The following TSHZ3 variants were observed in gnomAD, a reference collection of about 807,000 sequenced individuals.
TSHZ3 encodes teashirt homolog 3.
TSHZ3 carries 10 observed loss-of-function variants against 64.5 expected under a neutral mutation model. The ratio of observed to expected loss-of-function variants is 0.16; its 90% confidence interval spans 0.10 to 0.26. The LOEUF (loss-of-function observed/expected upper bound fraction) is 0.26. Among genes scored for constraint, TSHZ3 ranks in the 10% least tolerant of loss-of-function variants. The pLI is 1.00. For synonymous variants in TSHZ3, 608 were observed against 593.1 expected (o/e 1.03, Z -0.36); for missense variants, 1,242 against 1,421.7 (o/e 0.87, Z 2.03).
chr19:31,286,905 G>C (rs1307971936), intron 1 of TSHZ3, among the ~76,000 whole-genome samples: 1 of 152,166 alleles, frequency 6.6e-6, no homozygotes, highest in Non-Finnish European at 1.5e-5. Flanking sequence ...GCCATCAAGG[G>C]TCTGGAGACA....
At chr19:31,313,478 C>T (rs886497763) in intron 1 of TSHZ3, among the ~76,000 whole-genome samples, 6 of 152,156 alleles carry the variant, frequency 3.9e-5, no homozygotes, top group Middle Eastern at 3.2e-3. Context: ...CTGCCACGTG[C>T]GGATGTGGGC....
At chr19:31,201,965 G>A (rs968127603) in intron 5 of TSHZ3, among the ~76,000 whole-genome samples, 1 of 152,138 alleles carries the variant, frequency 6.6e-6, no homozygotes, top group Non-Finnish European at 1.5e-5. Flanking sequence ...ATGGGAGTTT[G>A]AGACCAGCCT....
Position 31,153,318 on chromosome 19 carries a change from T to C in TSHZ3, n.872-1574A>G, listed in dbSNP as rs190512420. Among the ~76,000 whole-genome samples, 11 of 152,346 alleles carry C rather than the reference T, an allele frequency of 7.2e-5. No homozygotes were observed. The East Asian group carries it at 1.9e-3, about 27-fold the overall frequency. On this transcript the variant is annotated intron_variant and non_coding_transcript_variant, in intron 6 of 6. Coordinates refer to the TSHZ3 transcript ENST00000651361. ...TGTACATTCTAGACTATAAGTCTTC[T>C]AAACTCTGGTGAAACATTCTACAAA...
At chr19:31,308,528 C>A in intron 1 of TSHZ3, 1 of 395,748 alleles carries the variant, frequency 2.5e-6, no homozygotes, top group East Asian at 3.6e-5. Flanking sequence ...CCACTAAGGG[C>A]TCCATTTCTA....
chr19:31,330,713 G>C (rs549663216), intron 1 of TSHZ3, among the ~76,000 whole-genome samples: 3 of 151,762 alleles, frequency 2.0e-5, no homozygotes, highest in Non-Finnish European at 2.9e-5. Flanking sequence ...CTTGGGCGGG[G>C]GGAGGAAAGT....
intron 1 of TSHZ3, among the ~76,000 whole-genome samples, chr19:31,298,812 T>C (rs1224825538): frequency 6.6e-6 from 1 of 152,224 alleles, no homozygotes. Context: ...CTTTTACTGC[T>C]GGATCTCACT....
chr19:31,345,535 G>T (rs1599662976), intron 1 of TSHZ3, among the ~76,000 whole-genome samples: 1 of 152,148 alleles, frequency 6.6e-6, no homozygotes, highest in African/African-American at 2.4e-5. Flanking sequence ...GACCCTAGGG[G>T]GTCCAAGTCA....
intron 6 of TSHZ3, among the ~76,000 whole-genome samples, chr19:31,154,489 G>C (rs1471928982): frequency 6.6e-6 from 1 of 152,140 alleles, no homozygotes; most frequent in African/African-American, 2.4e-5. Flanking sequence ...ACTAAGTGTT[G>C]TAGAAAAAAA....
intron 5 of TSHZ3, among the ~76,000 whole-genome samples, chr19:31,189,628 T>C (rs1463986336): frequency 2.6e-5 from 4 of 152,048 alleles, no homozygotes; most frequent in African/African-American, 9.7e-5. Flanking sequence ...TTTTGAAATA[T>C]ATAGAGATGT....
chr19:31,235,690 C>T (rs1975604469), intron 3 of TSHZ3, among the ~76,000 whole-genome samples: 4 of 101,832 alleles, frequency 3.9e-5, no homozygotes, highest in Admixed American at 1.0e-4. Flanking sequence ...TCTTTCTTCT[C>T]CTCTTCTTCT....
At chr19:31,222,934 C>T (rs561194156) in intron 4 of TSHZ3, among the ~76,000 whole-genome samples, 2 of 152,158 alleles carry the variant, frequency 1.3e-5, no homozygotes, top group Admixed American at 1.3e-4. Flanking sequence ...GTGGGGTCAG[C>T]GAGTCTCCCG....
rs73927317 is a variant in TSHZ3 at position 31,229,425 on chromosome 19, C to A, written n.551-1285G>T. Among the ~76,000 whole-genome samples the A allele has an allele frequency of 3.9e-5, 6 of 152,056 alleles. No individual in the cohort carries two copies. The East Asian group carries it at 5.8e-4, about 15-fold the overall frequency. ...TTTCAAGTCTCTGGGGGAAATGATG[C>A]GGGGACAACTGCGAAACACTAAAGA... On this transcript the variant is annotated intron_variant and non_coding_transcript_variant, in intron 3 of 6. Transcript: ENST00000651361.
At chr19:31,258,583 C>T (rs1975944210) in intron 1 of TSHZ3, among the ~76,000 whole-genome samples, 2 of 152,210 alleles carry the variant, frequency 1.3e-5, no homozygotes, top group South Asian at 4.1e-4. Flanking sequence ...TCTGTCTCCC[C>T]CACTGATCTG....
rs1976228769 is a variant in TSHZ3, at chr19:31,276,195, C to T, written c.*352G>A. On this transcript the variant is annotated 3_prime_UTR_variant, in exon 2 of 2. Coordinates refer to ENST00000240587, the MANE Select transcript of TSHZ3 (RefSeq NM_020856.4). ...GATGAAAGGGTGAGAAATGCCAGCACACTCGAGTCTCGTGGAAAAGGTGTG... is the reference window on the plus strand; with the variant it reads ...GATGAAAGGGTGAGAAATGCCAGCATACTCGAGTCTCGTGGAAAAGGTGTG... The T allele has an allele frequency of 5.6e-6, 1 of 177,938 alleles. No individual in the cohort carries two copies. Among genetic ancestry groups the T allele is most frequent in the East Asian group, 1.5e-4 (1 of 6,706 alleles). The allele number at this position is 177,938 out of a possible 1,614,324, so 11.0% of individuals were successfully genotyped here.
intron 1 of TSHZ3, among the ~76,000 whole-genome samples, chr19:31,344,695 A>T (rs1568388144): frequency 6.6e-6 from 1 of 152,224 alleles, no homozygotes; most frequent in Admixed American, 6.5e-5. Context: ...GCCTTCAAGA[A>T]GGTAGGTCCT....
intron 5 of TSHZ3, among the ~76,000 whole-genome samples, chr19:31,162,470 G>A (rs1314147922): frequency 6.6e-6 from 1 of 152,118 alleles, no homozygotes; most frequent in Non-Finnish European, 1.5e-5. Flanking sequence ...ACACTTGAAT[G>A]GATGAATGAG....
In TSHZ3 at chr19:31,276,578, A is replaced by AG. The variant is rs763873606; in HGVS notation, c.3214dup (p.Leu1072ProfsTer6). ...CTTCTCTAACTCAGAGACATACAGAAGGTGGTCTTCCGGAGATTTCCCGTG... is the reference window on the plus strand; with the variant it reads ...CTTCTCTAACTCAGAGACATACAGAAGGGTGGTCTTCCGGAGATTTCCCGTG... On this transcript the variant is annotated frameshift_variant, in exon 2 of 2. Coordinates refer to ENST00000240587, the MANE Select transcript of TSHZ3 (RefSeq NM_020856.4). LOFTEE classifies it high-confidence loss of function. The AG allele has an allele frequency of 1.3e-6, 2 of 1,580,502 alleles. No individual in the cohort carries two copies. Among genetic ancestry groups the AG allele is most frequent in the African/African-American group, 1.3e-5 (1 of 74,212 alleles).
intron 1 of TSHZ3, among the ~76,000 whole-genome samples, chr19:31,259,321 C>A (rs537304876): frequency 3.5e-4 from 54 of 152,250 alleles, no homozygotes; most frequent in African/African-American, 1.2e-3. Flanking sequence ...AGCGCAATTG[C>A]ATTTTTATAG....
chr19:31,231,407 C>T (rs1975538157), intron 3 of TSHZ3, among the ~76,000 whole-genome samples: 1 of 152,180 alleles, frequency 6.6e-6, no homozygotes, highest in Non-Finnish European at 1.5e-5. Flanking sequence ...ATGCCCCGAT[C>T]CCGACTTCAC....
Sources: allele counts gnomAD v4.1 joint callset (sites outside exome capture counted in the v4.1 genomes callset), GRCh38; gene constraint gnomAD v4.1.1; transcripts MANE v1.5; gene names NCBI Gene and HGNC (gene_info 2026-07-23, HGNC 2026-07-21).